DTNA: variants seen among roughly 807,000 people sequenced by gnomAD.
The protein encoded by DTNA is dystrobrevin alpha, also known as dystrophin-related protein 3.
DTNA carries 43 observed loss-of-function variants against 100.7 expected under a neutral mutation model. The ratio of observed to expected loss-of-function variants is 0.43; its 90% CI spans 0.33 to 0.55. The LOEUF is 0.55. DTNA is among the 20% of genes least tolerant of loss of function. The probability of loss-of-function intolerance (pLI) is 0.04; values close to 1 mark genes in which losing one functional copy is unlikely to be tolerated. For missense variants in DTNA, 798 were observed against 953.9 expected (o/e 0.84, Z 2.15); for synonymous variants, 349 against 347.9 (o/e 1.00, Z -0.04).
chr18:34,710,059 C>A (rs548000558), upstream of DTNA, among the ~76,000 whole-genome samples: 256 of 152,124 alleles, frequency 1.7e-3, 1 homozygote, highest in Non-Finnish European at 3.1e-3. Flanking sequence ...AGTTGGGAAA[C>A]CTTTTATTCT....
intron 3 of DTNA, among the ~76,000 whole-genome samples, chr18:34,780,914 CT>C (rs1398540368): frequency 6.6e-6 from 1 of 152,230 alleles, no homozygotes; most frequent in Admixed American, 6.5e-5. Context: ...GAGTTCTAAC[CT>C]AGCTGCTCTG....
chr18:34,583,125 T>G (rs2048795343), intron 1 of DTNA, among the ~76,000 whole-genome samples: 1 of 152,202 alleles, frequency 6.6e-6, no homozygotes, highest in South Asian at 2.1e-4. Context: ...GTTCAGATAT[T>G]TAATTCCACA....
chr18:34,860,220 GTTTTTTTTTTTTT>G (rs55673388), intron 16 of DTNA, among the ~76,000 whole-genome samples: 22 of 80,282 alleles, frequency 2.7e-4, no homozygotes, highest in East Asian at 4.5e-4. Flanking sequence ...CTAATTTTTT[GTTTTTTTTTTTTT>G]TTTTTTTTTT....
At chr18:34,884,920 G>A (rs961387885) in intron 22 of DTNA, 144 bp downstream of exon 22, 61 of 1,012,740 alleles carry the variant, frequency 6.0e-5, no homozygotes, top group Middle Eastern at 2.1e-4. Flanking sequence ...TCGAAGAGTC[G>A]TCTCAGTCTG....
intron 1 of DTNA, among the ~76,000 whole-genome samples, chr18:34,717,818 A>G (rs919199138): frequency 1.3e-5 from 2 of 152,168 alleles, no homozygotes; most frequent in Non-Finnish European, 2.9e-5. Context: ...GAGAAACAGA[A>G]CAGTATGGGA....
intron 3 of DTNA, among the ~76,000 whole-genome samples, chr18:34,769,724 G>GGTTTTTTTTTTTTTTTTTTTTTTTTTT (rs1264439291): frequency 2.4e-5 from 1 of 41,434 alleles, no homozygotes; most frequent in African/African-American, 5.1e-5. Context: ...GCCCTCTGGG[G>GGTTTTTTTTTTTTTTTTTTTTTTTTTT]CTTTTTTTTT....
In DTNA at chr18:34,516,458, A is replaced by G. The variant is rs1187346137; in HGVS notation, c.-2+22944A>G. ...ATCAGGAGACAGGGTTTGAGAGCAGACAACTGGTCTGACTAAAATTTACTA... is the reference window on the plus strand; with the variant it reads ...ATCAGGAGACAGGGTTTGAGAGCAGGCAACTGGTCTGACTAAAATTTACTA... On this transcript the variant is annotated intron_variant, in intron 1 of 19. Coordinates refer to the DTNA transcript ENST00000283365. Among the ~76,000 whole-genome samples, 5 of 152,216 alleles carry G rather than the reference A, an allele frequency of 3.3e-5. No homozygotes were observed. The East Asian group carries it at 9.7e-4, about 29-fold the overall frequency.
intron 1 of DTNA, among the ~76,000 whole-genome samples, chr18:34,688,256 G>A (rs1264812663): frequency 2.0e-5 from 3 of 152,108 alleles, no homozygotes; most frequent in Admixed American, 2.0e-4. Flanking sequence ...TTACAATTTG[G>A]TTTATTTTTG....
At chr18:34,679,233 T>C (rs2077766990) in intron 1 of DTNA, among the ~76,000 whole-genome samples, 1 of 152,216 alleles carries the variant, frequency 6.6e-6, no homozygotes, top group Non-Finnish European at 1.5e-5. Flanking sequence ...TTAATCCCTC[T>C]GGAACTCACT....
chr18:34,600,161 G>A (rs570695197), intron 1 of DTNA, among the ~76,000 whole-genome samples: 2 of 152,120 alleles, frequency 1.3e-5, no homozygotes, highest in African/African-American at 4.8e-5. Flanking sequence ...TGTAACAGAA[G>A]AGCTTAAAGA....
intron 11 of DTNA, among the ~76,000 whole-genome samples, chr18:34,829,918 G>T (rs956446713): frequency 8.5e-5 from 13 of 152,174 alleles, no homozygotes; most frequent in Non-Finnish European, 1.6e-4. Flanking sequence ...AAGACTTGAG[G>T]ACTTGTACCT....
In DTNA at chr18:34,889,295, C is replaced by T. The variant is rs921269721; in HGVS notation, c.*1561C>T. The T allele has an allele frequency of 5.7e-5, 56 of 982,704 alleles. No individual in the cohort carries two copies. Among genetic ancestry groups the T allele is most frequent in the East Asian group, 3.4e-4 (3 of 8,772 alleles). The allele number at this position is 982,704 out of a possible 1,614,324, so 60.9% of individuals were successfully genotyped here. A position where few individuals can be genotyped will look rare whatever the true frequency, so the allele number is the denominator to read the frequency against. ...CATCTGCAACACTTAGGAAGGTCTTCGAAATACTAATTTGTAAGCCCCACC... is the reference window on the plus strand; with the variant it reads ...CATCTGCAACACTTAGGAAGGTCTTTGAAATACTAATTTGTAAGCCCCACC... On this transcript the variant is annotated 3_prime_UTR_variant, in exon 23 of 23. Transcript: ENST00000444659.
intron 1 of DTNA, among the ~76,000 whole-genome samples, chr18:34,605,988 T>C (rs2053011642): frequency 6.6e-6 from 1 of 152,178 alleles, no homozygotes; most frequent in African/African-American, 2.4e-5. Flanking sequence ...TCTCCTATAG[T>C]GTTAAAAAAC....
chr18:34,536,194 ATAAT>A (rs201003175), intron 1 of DTNA, among the ~76,000 whole-genome samples: 332 of 152,114 alleles, frequency 2.2e-3, no homozygotes, highest in African/African-American at 7.8e-3. Context: ...AATTTGTAAA[ATAAT>A]TCCCCTATTG....
chr18:34,846,308 G>A (rs953354744), intron 13 of DTNA, among the ~76,000 whole-genome samples: 1 of 152,044 alleles, frequency 6.6e-6, no homozygotes, highest in Non-Finnish European at 1.5e-5. Context: ...TATTTTGAAG[G>A]GGATGAGGAT....
At chr18:34,808,800 A>G (rs1421003037) in intron 5 of DTNA, among the ~76,000 whole-genome samples, 1 of 152,208 alleles carries the variant, frequency 6.6e-6, no homozygotes, top group Admixed American at 6.5e-5. Flanking sequence ...CAGTGAAAGA[A>G]GCAACAAATG....
rs561806631 is a variant in DTNA, at chr18:34,505,983, A to G, written c.-2+12469A>G. On this transcript the variant is annotated intron_variant, in intron 1 of 19. Transcript: ENST00000283365. ...TCTGATTTAGCCGAGTTCCACTAAC[A>G]TCACCTCAGTGAGCATCAGTGCCAG... Among the ~76,000 whole-genome samples the G allele has an allele frequency of 2.6e-5, 4 of 152,342 alleles. No homozygotes were observed. In the South Asian group the frequency reaches 8.3e-4, roughly 32 times the overall value.
intron 1 of DTNA, among the ~76,000 whole-genome samples, chr18:34,686,693 G>A (rs1269200577): frequency 2.6e-5 from 4 of 152,074 alleles, no homozygotes; most frequent in African/African-American, 7.2e-5. Flanking sequence ...CTTTTGTTTG[G>A]AATTGTTTCA....
At chr18:34,742,900 C>T (rs2090962264) in intron 1 of DTNA, among the ~76,000 whole-genome samples, 1 of 152,056 alleles carries the variant, frequency 6.6e-6, no homozygotes, top group African/African-American at 2.4e-5. Flanking sequence ...ATAACCCAGG[C>T]ATTCATGCCT....
Sources: allele counts gnomAD v4.1 joint callset (sites outside exome capture counted in the v4.1 genomes callset), GRCh38; gene constraint gnomAD v4.1.1; transcripts MANE v1.5; gene names NCBI Gene and HGNC (gene_info 2026-07-23, HGNC 2026-07-21).